The following ATP8A1 variants were observed in gnomAD, a reference collection of about 807,000 sequenced individuals.
ATP8A1 encodes ATPase phospholipid transporting 8A1, also known as phospholipid-transporting ATPase IA.
ATP8A1 carries 90 observed loss-of-function variants against 177.7 expected under a neutral mutation model. The ratio of observed to expected loss-of-function variants is 0.51; its 90% CI spans 0.43 to 0.60. The LOEUF (loss-of-function observed/expected upper bound fraction) is 0.60, where lower values mean the gene tolerates loss of function less well. ATP8A1 is among the 20% of genes least tolerant of loss of function. The pLI, the probability that ATP8A1 is intolerant of heterozygous loss-of-function variation, is 0.00. For synonymous variants in ATP8A1, 493 were observed against 485.9 expected (o/e 1.01, Z -0.19); for missense variants, 1,072 against 1,392.8 (o/e 0.77, Z 3.67).
In ATP8A1 at chr4:42,448,396, C is replaced by CTTTACT. The variant is rs778022629; in HGVS notation, c.2897-1753_2897-1752insAGTAAA. Among the ~76,000 whole-genome samples the CTTTACT allele has an allele frequency of 3.7e-4, 31 of 84,160 alleles. 8 individuals are homozygous for CTTTACT. Among genetic ancestry groups the CTTTACT allele is most frequent in the Middle Eastern group, 0.025 (2 of 80 alleles). The allele number at this position is 84,160 out of a possible 152,430, so 55.2% of individuals were successfully genotyped here. A position where few individuals can be genotyped will look rare whatever the true frequency, so the allele number is the denominator to read the frequency against. ...GTAGCCTCCCTCCCTCCTTCTCTTT[C>CTTTACT]TTTTCTTTTTTTTTTTTTTGAGATG... is the stretch of plus-strand genomic sequence containing the variant. On this transcript the variant is annotated intron_variant, in intron 30 of 36. Transcript: ENST00000381668.
intron 24 of ATP8A1, among the ~76,000 whole-genome samples, chr4:42,502,421 A>T (rs28716104): frequency 6.6e-6 from 1 of 152,064 alleles, no homozygotes; most frequent in South Asian, 2.1e-4. Flanking sequence ...TTGATACTTA[A>T]AACATTTAAA....
intron 27 of ATP8A1, among the ~76,000 whole-genome samples, chr4:42,456,225 T>C (rs529696885): frequency 3.3e-5 from 5 of 152,316 alleles, no homozygotes; most frequent in African/African-American, 1.2e-4. Flanking sequence ...AATGTGGATG[T>C]AACTATTTTG....
At chr4:42,534,551 T>C (rs951831198) in intron 20 of ATP8A1, among the ~76,000 whole-genome samples, 1 of 152,190 alleles carries the variant, frequency 6.6e-6, no homozygotes, top group South Asian at 2.1e-4. Context: ...TTGGTGTTCC[T>C]AAGGAAGAGA....
intron 33 of ATP8A1, among the ~76,000 whole-genome samples, chr4:42,428,453 CCT>C (rs1411062005): frequency 2.6e-5 from 4 of 152,272 alleles, no homozygotes; most frequent in Admixed American, 6.5e-5. Flanking sequence ...GGCTTTTTAC[CCT>C]GTGTCCAATA....
intron 20 of ATP8A1, among the ~76,000 whole-genome samples, chr4:42,540,010 T>C (rs986139572): frequency 6.6e-6 from 1 of 152,052 alleles, no homozygotes; most frequent in Non-Finnish European, 1.5e-5. Context: ...AGAGAATCTG[T>C]TGAATAGAAG....
intron 29 of ATP8A1, among the ~76,000 whole-genome samples, chr4:42,452,725 C>A (rs1045175317): frequency 6.6e-6 from 1 of 152,156 alleles, no homozygotes; most frequent in Non-Finnish European, 1.5e-5. Context: ...GAGCAAGCGT[C>A]ACTGGTACTT....
intron 9 of ATP8A1, among the ~76,000 whole-genome samples, chr4:42,583,128 G>T (rs1352821624): frequency 6.6e-6 from 1 of 152,044 alleles, no homozygotes; most frequent in African/African-American, 2.4e-5. Context: ...GGCCCAGTAG[G>T]CTTGGAAGGC....
Position 42,412,042 on chromosome 4 carries a change from TGCATTA to T in ATP8A1, c.*868_*873del, listed in dbSNP as rs1165911195. 1 of 152,216 alleles carries T rather than the reference TGCATTA, an allele frequency of 6.6e-6. No homozygotes were observed. The highest frequency in any genetic ancestry group is 2.4e-5 in the African/African-American group (1 of 41,464). The allele number at this position is 152,216 out of a possible 1,614,324, so 9.4% of individuals were successfully genotyped here. On this transcript the variant is annotated 3_prime_UTR_variant, in exon 37 of 37. Transcript: ENST00000381668. ...GACAAAATGACATCACTCAATCTAC[TGCATTA>T]GCCAGATTTTTAGAAAAATCTAAAT... is the stretch of plus-strand genomic sequence containing the variant.
chr4:42,503,510 G>C lies in ATP8A1; in HGVS notation c.2091C>G (p.His697Gln), dbSNP rs202148347. 3.1e-6 allele frequency: 5 copies of C among 1,601,386 alleles called. No individual in the cohort carries two copies. Among genetic ancestry groups the C allele is most frequent in the Non-Finnish European group, 4.3e-6 (5 of 1,171,056 alleles). Reference protein sequence around the residue: ...DKQETAINIGHSCKLLKKNMG... With the variant: ...DKQETAINIGQSCKLLKKNMG... ...TGTTCTTCTTCAACAGTTTGCAGGAGTGTCCTGTATCCAAACACAGAGTAT... is the reference window on the plus strand; with the variant it reads ...TGTTCTTCTTCAACAGTTTGCAGGACTGTCCTGTATCCAAACACAGAGTAT... The change falls in exon 24 of 37, where the codon CAC becomes CAG. Residue 697 changes from histidine to glutamine, a missense_variant. By Grantham distance (24) the His-to-Gln change is conservative. Around this residue, in one of 5 missense-constraint regions of ATP8A1, gnomAD observed 388 missense variants for 471.7 expected, o/e 0.82. Coordinates refer to ENST00000381668, the MANE Select transcript of ATP8A1 (RefSeq NM_006095.2).
chr4:42,542,542 C>T (rs1728510852), intron 20 of ATP8A1, among the ~76,000 whole-genome samples: 1 of 152,118 alleles, frequency 6.6e-6, no homozygotes, highest in Admixed American at 6.5e-5. Context: ...TTGCTGCTCC[C>T]ATCAACTCAT....
intron 1 of ATP8A1, among the ~76,000 whole-genome samples, chr4:42,636,156 A>ACACACACGCGTGCGCGCGCGCG (rs565139270): frequency 1.1e-5 from 1 of 90,898 alleles, no homozygotes; most frequent in Non-Finnish European, 2.6e-5. Context: ...ACACACACAC[A>ACACACACGCGTGCGCGCGCGCG]CGCACACACA....
At chr4:42,603,622 CT>C (rs1735514627) in intron 5 of ATP8A1, among the ~76,000 whole-genome samples, 1 of 152,178 alleles carries the variant, frequency 6.6e-6, no homozygotes, top group African/African-American at 2.4e-5. Flanking sequence ...CTTTGAAACT[CT>C]GGAATAATTT....
In ATP8A1 at chr4:42,444,596, C is replaced by T; in HGVS notation, c.2997G>A (p.Glu999=). The T allele has an allele frequency of 6.2e-7, 1 of 1,613,918 alleles. No individual in the cohort carries two copies. Among genetic ancestry groups the T allele is most frequent in the Non-Finnish European group, 8.5e-7 (1 of 1,179,926 alleles). ...VITVCLKAGL[E]TSYWTWFSHI... ...TTCTTACCCATGTCCAATATGATGT[C>T]TCCAATCCAGCTTTCAAACACACAG... Residue 999 remains glutamate (E), a synonymous_variant, in exon 32 of 37, where the codon GAG becomes GAA. Coordinates refer to ENST00000381668, the MANE Select transcript of ATP8A1 (RefSeq NM_006095.2).
chr4:42,614,696 C>T (rs1391287378), intron 5 of ATP8A1, among the ~76,000 whole-genome samples: 1 of 152,190 alleles, frequency 6.6e-6, no homozygotes, highest in Non-Finnish European at 1.5e-5. Context: ...ACAATTCAAC[C>T]TCAGCCTACC....
chr4:42,585,800 G>C (rs1287130742), intron 9 of ATP8A1, among the ~76,000 whole-genome samples: 2 of 151,994 alleles, frequency 1.3e-5, no homozygotes, highest in East Asian at 3.9e-4. Context: ...GGGTAGAAGA[G>C]AAGAAACAAG....
At chr4:42,571,013 T>G (rs1731847663) in intron 14 of ATP8A1, among the ~76,000 whole-genome samples, 1 of 152,196 alleles carries the variant, frequency 6.6e-6, no homozygotes, top group African/African-American at 2.4e-5. Context: ...AACTTTTGCC[T>G]TTTTTACCTG....
chr4:42,631,713 A>G (rs1738754776), intron 1 of ATP8A1, among the ~76,000 whole-genome samples: 1 of 152,142 alleles, frequency 6.6e-6, no homozygotes, highest in African/African-American at 2.4e-5. Flanking sequence ...GACCATCTCC[A>G]TACCCATTTC....
chr4:42,532,137 G>C (rs932722932), intron 20 of ATP8A1, among the ~76,000 whole-genome samples: 2 of 151,218 alleles, frequency 1.3e-5, no homozygotes, highest in East Asian at 1.9e-4. Flanking sequence ...CAGACACACA[G>C]ACACACACAC....
At chr4:42,422,171 A>T (rs898410836) in intron 35 of ATP8A1, among the ~76,000 whole-genome samples, 3 of 152,056 alleles carry the variant, frequency 2.0e-5, no homozygotes, top group African/African-American at 7.3e-5. Context: ...GGCTCACTAC[A>T]ACCTCTGCCT....
Sources: allele counts gnomAD v4.1 joint callset (sites outside exome capture counted in the v4.1 genomes callset), GRCh38; gene constraint gnomAD v4.1.1; regional missense constraint gnomAD v4.1.1; transcripts MANE v1.5; gene names NCBI Gene and HGNC (gene_info 2026-07-23, HGNC 2026-07-21).